GCSAML: variants seen among roughly 807,000 people sequenced by gnomAD.
The protein encoded by GCSAML is germinal center-associated signaling and motility-like protein.
GCSAML carries 9 observed loss-of-function variants against 13.0 expected under a neutral mutation model. The observed-to-expected ratio is 0.69, with a 90% CI of 0.42 to 1.21. The LOEUF (loss-of-function observed/expected upper bound fraction) is 1.21. Ranked by LOEUF, GCSAML falls within the 50% of genes most tolerant of loss-of-function variation. GCSAML has a pLI of 0.00. For synonymous variants in GCSAML, 37 were observed against 52.9 expected, an observed-to-expected ratio of 0.70 and a Z score of 1.31; for missense variants, 143 against 153.4, an observed-to-expected ratio of 0.93 and a Z score of 0.36.
chr1:247,549,680 C>A (rs1483522284), intron 1 of GCSAML, among the ~76,000 whole-genome samples: 1 of 151,638 alleles, frequency 6.6e-6, no homozygotes, highest in South Asian at 2.1e-4. Flanking sequence ...ACTTTCCATC[C>A]ATCAGCTTCG....
chr1:247,543,897 C>A (rs553590410), intron 2 of GCSAML, among the ~76,000 whole-genome samples: 6 of 152,208 alleles, frequency 3.9e-5, no homozygotes, highest in African/African-American at 1.2e-4. Flanking sequence ...TCAAGGGATC[C>A]TCTAATATCA....
chr1:247,522,558 G>C (rs1034436650), intron 1 of GCSAML, among the ~76,000 whole-genome samples: 31 of 152,284 alleles, frequency 2.0e-4, no homozygotes, highest in Non-Finnish European at 4.3e-4. Context: ...ACTCCATTTT[G>C]TTCTGTACTA....
chr1:247,516,899 C>T lies in GCSAML; in HGVS notation c.-263+9666C>T, dbSNP rs145410405. On this transcript the variant is annotated intron_variant, in intron 1 of 5. Coordinates refer to the GCSAML transcript ENST00000366489. ...TTATAGGCGAGATCTATGTTCCCAGCGCAGATACTTGATGGGTGTCTATTT... is the reference window on the plus strand; with the variant it reads ...TTATAGGCGAGATCTATGTTCCCAGTGCAGATACTTGATGGGTGTCTATTT... Among the ~76,000 whole-genome samples the T allele has an allele frequency of 2.0e-4, 31 of 152,184 alleles. No individual in the cohort carries two copies. In the East Asian group the frequency reaches 3.5e-3, roughly 17 times the overall value.
intron 1 of GCSAML, among the ~76,000 whole-genome samples, chr1:247,508,154 C>T (rs1665894310): frequency 6.6e-6 from 1 of 152,208 alleles, no homozygotes. Flanking sequence ...ATTCCTATTT[C>T]TCCACATCCT....
At chr1:247,528,509 T>C (rs1010541312) in intron 2 of GCSAML, 10 of 152,178 alleles carry the variant, frequency 6.6e-5, no homozygotes, top group African/African-American at 2.4e-4. Context: ...TTTAGCCAAC[T>C]GTTAAAGAAG....
Position 247,574,358 on chromosome 1 carries a change from T to C in GCSAML, c.384T>C (p.Asp128=). Residue 128 remains aspartate (D), a synonymous_variant, in exon 5 of 5, where the codon GAT becomes GAC. Transcript: ENST00000366488. ...SRPCSCTHEH[D]YEVVFPH ...CTTGTTCCTGCACCCATGAGCATGA[T>C]TATGAAGTTGTGTTTCCACACTAAA... 6.2e-7 allele frequency: 1 copy of C among 1,614,044 alleles called. No individual in the cohort carries two copies.
In GCSAML at chr1:247,531,814, T is replaced by A. The variant is rs756690486; in HGVS notation, c.-148+4760T>A. The stretch of plus-strand genomic sequence containing the variant: ...GGTGTTGAATGCCTTTCTCCGCCCT[T>A]CTGCTGACCTGATCTTCAACACGGC... On this transcript the variant is annotated intron_variant, in intron 2 of 5. Transcript: ENST00000366489. The A allele has an allele frequency of 8.1e-6, 13 of 1,614,062 alleles. No individual in the cohort carries two copies. In the African/African-American group the frequency reaches 1.5e-4, roughly 18 times the overall value.
intron 2 of GCSAML, among the ~76,000 whole-genome samples, chr1:247,542,813 T>C (rs1040496458): frequency 1.3e-5 from 2 of 152,160 alleles, no homozygotes; most frequent in South Asian, 4.1e-4. Context: ...TTCTACTTAG[T>C]CCAAAATAAA....
upstream of GCSAML, among the ~76,000 whole-genome samples, chr1:247,546,549 G>T (rs570272845): frequency 7.5e-4 from 114 of 151,904 alleles, no homozygotes; most frequent in African/African-American, 2.7e-3. Flanking sequence ...TTTTAGTGGA[G>T]ACAGGGTTTC....
At chr1:247,563,722 G>C (rs1340118632) in intron 3 of GCSAML, 83 bp downstream of exon 3, 1 of 674,960 alleles carries the variant, frequency 1.5e-6, no homozygotes, top group African/African-American at 1.8e-5. Flanking sequence ...TGAGCCTATT[G>C]TAATAACAGA....
At chr1:247,523,816 G>A (rs1666542511) in intron 1 of GCSAML, among the ~76,000 whole-genome samples, 2 of 151,984 alleles carry the variant, frequency 1.3e-5, no homozygotes, top group South Asian at 4.2e-4. Context: ...TGTTACAAAT[G>A]TGAATGAAAT....
intron 2 of GCSAML, among the ~76,000 whole-genome samples, chr1:247,541,536 C>G (rs1667410960): frequency 6.6e-6 from 1 of 152,144 alleles, no homozygotes; most frequent in African/African-American, 2.4e-5. Flanking sequence ...ATCAGGTCTC[C>G]TGCACACAGA....
At chr1:247,557,051 T>A (rs769832330) in intron 2 of GCSAML, among the ~76,000 whole-genome samples, 4 of 152,192 alleles carry the variant, frequency 2.6e-5, no homozygotes, top group Non-Finnish European at 4.4e-5. Flanking sequence ...GGTCTTTTAC[T>A]GCACAATTAA....
At chr1:247,521,573 G>C (rs1286577207) in intron 1 of GCSAML, among the ~76,000 whole-genome samples, 1 of 152,192 alleles carries the variant, frequency 6.6e-6, no homozygotes, top group Non-Finnish European at 1.5e-5. Flanking sequence ...GTGGAGACGG[G>C]GTTTCGCTGT....
chr1:247,529,382 C>A (rs1475553240), intron 2 of GCSAML: 2 of 152,170 alleles, frequency 1.3e-5, no homozygotes, highest in African/African-American at 4.8e-5. Flanking sequence ...GTGGGCTTGA[C>A]TGAATGATGG....
intron 2 of GCSAML, chr1:247,529,847 A>G (rs1572309549): frequency 6.6e-6 from 1 of 151,592 alleles, no homozygotes; most frequent in African/African-American, 2.4e-5. Context: ...AAGAGAAAAG[A>G]CTGACCTGCT....
intron 1 of GCSAML, among the ~76,000 whole-genome samples, chr1:247,550,630 C>T (rs951352207): frequency 4.0e-5 from 6 of 150,320 alleles, no homozygotes; most frequent in Admixed American, 4.0e-4. Flanking sequence ...GAGCAAGACT[C>T]TGTCTCAAAT....
chr1:247,531,894 G>C lies in GCSAML; in HGVS notation c.-148+4840G>C, dbSNP rs753715148. 6 of 1,614,210 alleles carry C rather than the reference G, an allele frequency of 3.7e-6. No homozygotes were observed. The South Asian group carries it at 5.5e-5, about 15-fold the overall frequency. ...TGAGCCCCAGAGGCAGGACAACAAAGACAAAGCTGGCCAGGTACATCTCCA... is the reference window on the plus strand; with the variant it reads ...TGAGCCCCAGAGGCAGGACAACAAACACAAAGCTGGCCAGGTACATCTCCA... On this transcript the variant is annotated intron_variant, in intron 2 of 5. Coordinates refer to the GCSAML transcript ENST00000366489.
In GCSAML at chr1:247,513,484, C is replaced by T. The variant is rs576381820; in HGVS notation, c.-263+6251C>T. 2.4e-3 allele frequency among the ~76,000 whole-genome samples: 372 copies of T among 152,342 alleles called. 3 individuals are homozygous for T. Among genetic ancestry groups the T allele is most frequent in the African/African-American group, 8.7e-3 (363 of 41,572 alleles). On this transcript the variant is annotated intron_variant, in intron 1 of 5. Coordinates refer to the GCSAML transcript ENST00000366489. ...TCCACTGAGCTAGACCACTTGGCTT[C>T]CTGGCTTCAGCCCCCTTTCCAGGGC...
Sources: allele counts gnomAD v4.1 joint callset (sites outside exome capture counted in the v4.1 genomes callset), GRCh38; gene constraint gnomAD v4.1.1; transcripts MANE v1.5; gene names NCBI Gene and HGNC (gene_info 2026-07-23, HGNC 2026-07-21).